Variants in PCDHA12 observed in about 807,000 individuals in gnomAD.
The protein encoded by PCDHA12 is protocadherin alpha-12.
In PCDHA12, 44 loss-of-function variants were observed where a neutral mutation model predicts 60.0. The observed-to-expected ratio is 0.73, with a 90% confidence interval of 0.58 to 0.94. PCDHA12 has a LOEUF of 0.94. Among genes scored for constraint, PCDHA12 ranks in the 40% least tolerant of loss-of-function variants. The pLI is 0.00. For missense variants in PCDHA12, 1,276 were observed against 1,239.7 expected, an observed-to-expected ratio of 1.03 and a Z score of -0.44; for synonymous variants, 569 against 553.0, an observed-to-expected ratio of 1.03 and a Z score of -0.40.
At chr5:140,976,740 A>C (rs1425716353) in intron 1 of PCDHA12, among the ~76,000 whole-genome samples, 7 of 152,192 alleles carry the variant, frequency 4.6e-5, no homozygotes, top group African/African-American at 1.7e-4. Flanking sequence ...CACATTTTAA[A>C]AACCTCCCAG....
chr5:140,963,856 C>T lies in PCDHA12; in HGVS notation c.2368-15093C>T, dbSNP rs76429225. 1.1e-4 allele frequency among the ~76,000 whole-genome samples: 16 copies of T among 152,242 alleles called. No individual in the cohort carries two copies. The East Asian group carries it at 2.5e-3, about 24-fold the overall frequency. On this transcript the variant is annotated intron_variant, in intron 1 of 3. Coordinates refer to ENST00000398631, the MANE Select transcript of PCDHA12 (RefSeq NM_018903.4). ...TTTCTCATGTAATCATAATAATAAC[C>T]GTATGAGTTTTGCTTACTATTGTTT... is the stretch of plus-strand genomic sequence containing the variant.
At chr5:140,946,574 G>C (rs246054) in intron 1 of PCDHA12, among the ~76,000 whole-genome samples, 17 of 145,538 alleles carry the variant, frequency 1.2e-4, no homozygotes, top group African/African-American at 4.5e-4. Flanking sequence ...AATCAACTTA[G>C]GTGTTCATAG....
intron 1 of PCDHA12, among the ~76,000 whole-genome samples, chr5:140,910,781 A>G (rs1402088509): frequency 3.9e-5 from 6 of 152,220 alleles, no homozygotes; most frequent in Non-Finnish European, 8.8e-5. Flanking sequence ...AAGCTGCAAC[A>G]TTAAATGCAG....
At chr5:140,982,192 G>A (rs1390222750) in intron 2 of PCDHA12, among the ~76,000 whole-genome samples, 4 of 152,230 alleles carry the variant, frequency 2.6e-5, no homozygotes, top group Non-Finnish European at 4.4e-5. Context: ...TGGGCTTCCT[G>A]TTAGATTTAG....
chr5:141,010,202 G>A lies in PCDHA12; in HGVS notation c.*265G>A, dbSNP rs1354578914. The A allele has an allele frequency of 2.5e-5, 39 of 1,551,826 alleles. No homozygotes were observed. The highest frequency in any genetic ancestry group is 3.1e-5 in the Non-Finnish European group (36 of 1,147,058). On this transcript the variant is annotated 3_prime_UTR_variant, in exon 4 of 4. Transcript: ENST00000398631. ...CAGACCCAAGTTTCCTTTCTCCTCCGCCGCAAAGGAGAGGCTTCCCAGCCC... is the reference window on the plus strand; with the variant it reads ...CAGACCCAAGTTTCCTTTCTCCTCCACCGCAAAGGAGAGGCTTCCCAGCCC...
rs148479176 is a variant in PCDHA12, at chr5:140,884,341, G to A, written c.2367+6502G>A. 6.0e-4 allele frequency: 973 copies of A among 1,613,910 alleles called. 19 individuals carry two copies. In the South Asian group the frequency reaches 7.4e-3, roughly 12 times the overall value. On this transcript the variant is annotated intron_variant, in intron 1 of 3. Transcript: ENST00000398631. ...CGGCAGGCGCTGTGGGTCCAGAAGC[G>A]GCGCTGGTGGATGTCAATGTTTACT...
intron 1 of PCDHA12, among the ~76,000 whole-genome samples, chr5:140,902,675 C>G (rs1554190566): frequency 1.3e-5 from 2 of 152,154 alleles, no homozygotes; most frequent in Admixed American, 1.3e-4. Flanking sequence ...GCAGTGTACA[C>G]CGTACCTAAT....
At chr5:140,893,888 G>A (rs1182777052) in intron 1 of PCDHA12, among the ~76,000 whole-genome samples, 1 of 152,128 alleles carries the variant, frequency 6.6e-6, no homozygotes, top group Non-Finnish European at 1.5e-5. Context: ...TGGCCAGAAA[G>A]TTACTTTACC....
intron 1 of PCDHA12, among the ~76,000 whole-genome samples, chr5:140,939,514 A>G (rs1280466076): frequency 2.0e-5 from 3 of 152,236 alleles, no homozygotes; most frequent in African/African-American, 7.2e-5. Flanking sequence ...TATAACATTA[A>G]TAGTTATAGA....
At position 140,942,403 on chromosome 5, in the gene PCDHA12, T is replaced by A. The variant is rs184466711; in HGVS notation, c.2368-36546T>A. Among the ~76,000 whole-genome samples the A allele has an allele frequency of 2.8e-3, 421 of 151,284 alleles. 2 individuals are homozygous for A. The highest frequency in any genetic ancestry group is 0.014 in the Middle Eastern group (4 of 294). The stretch of plus-strand genomic sequence containing the variant: ...TTCCAGCCTGGGCGACAGATGAGAC[T>A]CTGTTTAAAAAAAAAAAAGATATCT... On this transcript the variant is annotated intron_variant, in intron 1 of 3. Transcript: ENST00000398631.
At chr5:140,977,043 T>G (rs2096743110) in intron 1 of PCDHA12, among the ~76,000 whole-genome samples, 1 of 152,226 alleles carries the variant, frequency 6.6e-6, no homozygotes. Flanking sequence ...AGGATGTTGT[T>G]GCTGATGGAC....
intron 3 of PCDHA12, among the ~76,000 whole-genome samples, chr5:141,005,648 G>A (rs1354125322): frequency 7.4e-6 from 1 of 135,988 alleles, no homozygotes; most frequent in Non-Finnish European, 1.5e-5. Flanking sequence ...CTTGCAGTGA[G>A]TCGAGATCGC....
At chr5:140,966,731 G>C (rs2096045524) in intron 1 of PCDHA12, 3 of 1,405,020 alleles carry the variant, frequency 2.1e-6, no homozygotes, top group Non-Finnish European at 2.8e-6. Flanking sequence ...TGCCGCCTCC[G>C]GCCCTGCCCG....
chr5:140,998,746 A>C (rs1473770059), intron 3 of PCDHA12, among the ~76,000 whole-genome samples: 2 of 151,954 alleles, frequency 1.3e-5, no homozygotes, highest in Non-Finnish European at 2.9e-5. Context: ...GTATTTTTAG[A>C]AGAGACACAG....
At chr5:140,938,876 A>AAC (rs142461507) in intron 1 of PCDHA12, among the ~76,000 whole-genome samples, 11 of 151,144 alleles carry the variant, frequency 7.3e-5, no homozygotes, top group South Asian at 2.1e-4. Context: ...GTTAAGAAGC[A>AAC]ACACACACAC....
rs189790601 is a variant in PCDHA12 at position 140,875,550 on chromosome 5, G to A, written c.78G>A (p.Val26=). ...TTCTGCTCCTTGCAGCCTGGGAGGTGGGGAGCGGCCAGCTCCACTACTCCG... is the reference window on the plus strand; with the variant it reads ...TTCTGCTCCTTGCAGCCTGGGAGGTAGGGAGCGGCCAGCTCCACTACTCCG... The part of the protein sequence containing the change: ...LSLLLLAAWE[V]GSGQLHYSVY... Residue 26 remains valine, a synonymous_variant, in exon 1 of 4, where the codon GTG becomes GTA. Transcript: ENST00000398631. 51 of 1,614,134 alleles carry A rather than the reference G, an allele frequency of 3.2e-5. No homozygotes were observed. In the African/African-American group the frequency reaches 5.7e-4, roughly 18 times the overall value.
At chr5:140,967,555 C>G (rs782586326) in intron 1 of PCDHA12, 3 of 1,614,008 alleles carry the variant, frequency 1.9e-6, no homozygotes, top group Non-Finnish European at 2.5e-6. Context: ...CCACTTATCG[C>G]GTCCAGCTAC....
chr5:141,000,279 G>A (rs528257063), intron 3 of PCDHA12, among the ~76,000 whole-genome samples: 60 of 151,092 alleles, frequency 4.0e-4, no homozygotes, highest in Middle Eastern at 3.4e-3. Context: ...GGAGGCAGAG[G>A]TGGGAATATT....
intron 1 of PCDHA12, among the ~76,000 whole-genome samples, chr5:140,914,132 T>G (rs1554196213): frequency 6.6e-6 from 1 of 152,152 alleles, no homozygotes; most frequent in Non-Finnish European, 1.5e-5. Context: ...CTTTGTTGAG[T>G]TTTTGTCTGT....
Sources: gnomAD v4.1 joint callset for allele counts (sites outside exome capture counted in the v4.1 genomes callset) on GRCh38, gnomAD v4.1.1 for gene constraint, MANE v1.5 for transcripts, NCBI Gene and HGNC (gene_info 2026-07-23, HGNC 2026-07-21) for gene names.